The following ATP11B variants were observed in gnomAD, a reference collection of about 807,000 sequenced individuals.
The protein encoded by ATP11B is ATPase phospholipid transporting 11B (putative).
In ATP11B, 81 loss-of-function variants were observed where a neutral mutation model predicts 157.8. The observed-to-expected ratio is 0.51, with a 90% CI of 0.43 to 0.62. The LOEUF is 0.62. ATP11B is among the 20% of genes least tolerant of loss of function. ATP11B has a pLI of 0.00. For missense variants in ATP11B, 1,165 were observed against 1,402.2 expected, an observed-to-expected ratio of 0.83 and a Z score of 2.70; for synonymous variants, 451 against 469.4, an observed-to-expected ratio of 0.96 and a Z score of 0.51.
intron 15 of ATP11B, 95 bp downstream of exon 15, chr3:182,867,539 C>G: frequency 1.5e-6 from 1 of 645,776 alleles, no homozygotes. Flanking sequence ...GCAAATGTGG[C>G]CTATATTTTC....
intron 4 of ATP11B, among the ~76,000 whole-genome samples, chr3:182,831,778 CT>C (rs1344595304): frequency 2.0e-5 from 3 of 152,012 alleles, no homozygotes; most frequent in African/African-American, 7.2e-5. Context: ...TTAGTCTGTC[CT>C]TTTTTTCCTT....
At position 182,862,290 on chromosome 3, in the gene ATP11B, A is replaced by C. The variant is rs531664958; in HGVS notation, c.1200+2931A>C. 1.1e-3 allele frequency among the ~76,000 whole-genome samples: 160 copies of C among 152,116 alleles called. 2 individuals carry two copies. Among genetic ancestry groups the C allele is most frequent in the African/African-American group, 3.5e-3 (146 of 41,498 alleles). On this transcript the variant is annotated intron_variant, in intron 12 of 29. Transcript: ENST00000323116. ...AGTGAAACCCTGTCTAAAAAAAAAA[A>C]ACAAAAAAAACCTCAGGCACTAATA... is the stretch of plus-strand genomic sequence containing the variant.
intron 1 of ATP11B, among the ~76,000 whole-genome samples, chr3:182,796,298 A>G (rs2108477440): frequency 6.6e-6 from 1 of 152,330 alleles, no homozygotes; most frequent in East Asian, 1.9e-4. Context: ...AGTATTATTC[A>G]AAGTATACTC....
intron 24 of ATP11B, among the ~76,000 whole-genome samples, chr3:182,889,199 G>A (rs1723003639): frequency 6.6e-6 from 1 of 152,146 alleles, no homozygotes; most frequent in African/African-American, 2.4e-5. Context: ...ATGTTTGAAT[G>A]TAGTATGTGA....
chr3:182,804,290 G>A (rs1482829710), intron 1 of ATP11B, among the ~76,000 whole-genome samples: 1 of 150,776 alleles, frequency 6.6e-6, no homozygotes, highest in African/African-American at 2.4e-5. Context: ...CTGACCCCCA[G>A]GCTGAAGTGC....
chr3:182,905,693 C>T, intron 28 of ATP11B: 1 of 442,248 alleles, frequency 2.3e-6, no homozygotes, highest in Non-Finnish European at 4.6e-6. Flanking sequence ...TCTTTTGTGC[C>T]TCAGATTGTG....
At chr3:182,805,804 C>G (rs958107568) in intron 1 of ATP11B, among the ~76,000 whole-genome samples, 1 of 151,736 alleles carries the variant, frequency 6.6e-6, no homozygotes, top group African/African-American at 2.4e-5. Context: ...AAAAAAAATT[C>G]TTGAGTTGTA....
chr3:182,854,906 T>C (rs1720264121), intron 10 of ATP11B, among the ~76,000 whole-genome samples: 1 of 151,612 alleles, frequency 6.6e-6, no homozygotes, highest in Non-Finnish European at 1.5e-5. Context: ...TACAAAACAC[T>C]GAGGAAAGAA....
At position 182,793,719 on chromosome 3, in the gene ATP11B, G is replaced by C; in HGVS notation, c.-41G>C. On this transcript the variant is annotated 5_prime_UTR_variant, in exon 1 of 30. Coordinates refer to ENST00000323116, the MANE Select transcript of ATP11B (RefSeq NM_014616.3). ...GTCGGCCTCCACCTGCAGCCCCGCG[G>C]CCCCCGCGCCCCGCGGGACCCGGAC... 7.2e-7 allele frequency: 1 copy of C among 1,386,570 alleles called. No homozygotes were observed. Among genetic ancestry groups the C allele is most frequent in the South Asian group, 1.4e-5 (1 of 71,196 alleles). 85.9% of individuals were successfully genotyped at this position (1,386,570 alleles called of 1,614,324 possible).
intron 1 of ATP11B, among the ~76,000 whole-genome samples, chr3:182,803,507 G>A (rs1479099106): frequency 1.3e-5 from 2 of 152,110 alleles, no homozygotes; most frequent in Admixed American, 6.5e-5. Flanking sequence ...AAATTTATTT[G>A]TAGGTAAATT....
chr3:182,795,601 A>G (rs554851070), intron 1 of ATP11B, among the ~76,000 whole-genome samples: 1 of 152,200 alleles, frequency 6.6e-6, no homozygotes, highest in Non-Finnish European at 1.5e-5. Context: ...AAAAAATGCT[A>G]TCTCTGACAT....
At chr3:182,888,494 A>G (rs140578273) in intron 24 of ATP11B, among the ~76,000 whole-genome samples, 15 of 152,272 alleles carry the variant, frequency 9.9e-5, no homozygotes, top group African/African-American at 2.9e-4. Context: ...TTTCAAAATT[A>G]AAGTGAAGTA....
At chr3:182,796,075 T>TA (rs886886566) in intron 1 of ATP11B, among the ~76,000 whole-genome samples, 5 of 152,050 alleles carry the variant, frequency 3.3e-5, no homozygotes, top group East Asian at 3.8e-4. Flanking sequence ...TCTTTTTAAT[T>TA]AAAAAAAAGT....
chr3:182,865,991 T>G (rs1721203936), intron 13 of ATP11B, among the ~76,000 whole-genome samples: 1 of 152,198 alleles, frequency 6.6e-6, no homozygotes, highest in African/African-American at 2.4e-5. Flanking sequence ...AAAATAGAGC[T>G]TAAATTTATT....
chr3:182,892,701 A>G (rs1042933422), intron 25 of ATP11B, among the ~76,000 whole-genome samples: 10 of 152,278 alleles, frequency 6.6e-5, no homozygotes, highest in Admixed American at 5.9e-4. Context: ...ATTTATCTCA[A>G]ATCTTTTTAA....
intron 19 of ATP11B, among the ~76,000 whole-genome samples, chr3:182,876,035 G>C (rs1277024602): frequency 6.6e-6 from 1 of 151,958 alleles, no homozygotes. Flanking sequence ...TTGAGCCCAG[G>C]AGTTTGAGAT....
At chr3:182,911,716 A>T (rs1204491277) in intron 28 of ATP11B, among the ~76,000 whole-genome samples, 1 of 152,084 alleles carries the variant, frequency 6.6e-6, no homozygotes, top group East Asian at 1.9e-4. Context: ...AGCTCACCGG[A>T]TTGAGCACAG....
At chr3:182,903,088 T>C (rs558812119) in intron 28 of ATP11B, among the ~76,000 whole-genome samples, 1 of 152,238 alleles carries the variant, frequency 6.6e-6, no homozygotes, top group East Asian at 1.9e-4. Flanking sequence ...ATGTCTTATC[T>C]TTATCTCCAC....
chr3:182,844,696 T>A, intron 8 of ATP11B: 1 of 236,314 alleles, frequency 4.2e-6, no homozygotes, highest in South Asian at 1.6e-4. Context: ...AATTCATCCA[T>A]TTATATGCAA....
Sources: allele counts gnomAD v4.1 joint callset (sites outside exome capture counted in the v4.1 genomes callset), GRCh38; gene constraint gnomAD v4.1.1; transcripts MANE v1.5; gene names NCBI Gene and HGNC (gene_info 2026-07-23, HGNC 2026-07-21).